Variants in TXNL1 observed in about 807,000 individuals in gnomAD.
TXNL1 encodes the protein thioredoxin-like protein 1.
Under a neutral mutation model 35.5 loss-of-function variants are expected in TXNL1, and 14 were observed. That is an observed-to-expected ratio of 0.39 (90% CI 0.26 to 0.62). The LOEUF is 0.62. Ranked by LOEUF, TXNL1 falls within the 20% of genes least tolerant of loss-of-function variation. The pLI is 0.47. For missense variants in TXNL1, 263 were observed against 349.7 expected (o/e 0.75, Z 1.98); for synonymous variants, 110 against 115.5 (o/e 0.95, Z 0.31).
chr18:56,613,905 T>G (rs1009742834), intron 6 of TXNL1, among the ~76,000 whole-genome samples: 1 of 151,976 alleles, frequency 6.6e-6, no homozygotes, highest in African/African-American at 2.4e-5. Flanking sequence ...CAGTGGTGCA[T>G]GCCTGTAATC....
At chr18:56,603,582 T>C (rs2144272555) in intron 7 of TXNL1, among the ~76,000 whole-genome samples, 1 of 152,058 alleles carries the variant, frequency 6.6e-6, no homozygotes, top group South Asian at 2.1e-4. Flanking sequence ...ACTTTAAGAG[T>C]ACTATTAAAA....
intron 1 of TXNL1, among the ~76,000 whole-genome samples, chr18:56,626,913 T>C (rs2024293754): frequency 7.2e-6 from 1 of 138,394 alleles, no homozygotes; most frequent in Admixed American, 8.0e-5. Context: ...CAAGCAATCC[T>C]CCCACCTCAG....
At chr18:56,623,245 T>G (rs1373378724) in intron 3 of TXNL1, among the ~76,000 whole-genome samples, 1 of 152,160 alleles carries the variant, frequency 6.6e-6, no homozygotes, top group Non-Finnish European at 1.5e-5. Flanking sequence ...CTGGCCAACA[T>G]GGTGAAACCT....
chr18:56,623,978 G>A (rs566908020), intron 3 of TXNL1, among the ~76,000 whole-genome samples: 115 of 151,174 alleles, frequency 7.6e-4, no homozygotes, highest in African/African-American at 2.7e-3. Context: ...ACATTTTCTG[G>A]AAAAAAAAGT....
intron 1 of TXNL1, among the ~76,000 whole-genome samples, chr18:56,636,625 T>G (rs764782607): frequency 1.3e-5 from 2 of 152,080 alleles, no homozygotes; most frequent in Non-Finnish European, 2.9e-5. Context: ...TCCTTACCAA[T>G]CAATGTCTGC....
At position 56,614,405 on chromosome 18, in the gene TXNL1, T is replaced by C. The variant is rs1402214692; in HGVS notation, c.735+19A>G. On this transcript the variant is annotated intron_variant, in intron 6 of 7. Coordinates refer to ENST00000217515, the MANE Select transcript of TXNL1 (RefSeq NM_004786.3). ...TACTCACAAACCTATTAAATACATA[T>C]GAACGAAATACTACTTACAGTTACA... 2.2e-5 allele frequency: 35 copies of C among 1,605,326 alleles called. No homozygotes were observed. The highest frequency in any genetic ancestry group is 3.0e-5 in the Non-Finnish European group (35 of 1,174,804).
intron 5 of TXNL1, among the ~76,000 whole-genome samples, chr18:56,616,030 G>A (rs960591838): frequency 6.6e-6 from 1 of 151,764 alleles, no homozygotes; most frequent in Non-Finnish European, 1.5e-5. Flanking sequence ...TACCTGGGAG[G>A]CAGAGGTGGG....
intron 5 of TXNL1, 139 bp downstream of exon 5, chr18:56,616,106 T>C: frequency 1.5e-6 from 1 of 664,304 alleles, no homozygotes; most frequent in South Asian, 2.1e-5. Context: ...CACTCCAGCC[T>C]GGGCAATAGC....
At position 56,638,552 on chromosome 18, in the gene TXNL1, A is replaced by G; in HGVS notation, c.-112T>C. 9.0e-7 allele frequency: 1 copy of G among 1,111,782 alleles called. No individual in the cohort carries two copies. Among genetic ancestry groups the G allele is most frequent in the Non-Finnish European group, 1.2e-6 (1 of 806,032 alleles). 68.9% of individuals were successfully genotyped at this position (1,111,782 alleles called of 1,614,324 possible). Reference sequence around the variant, plus strand: ...CTCAGGAAGGCCGAGGCCTGGACAGAAGAGGTGGCGACCGCCGAGTCTTCT... The same window carrying G: ...CTCAGGAAGGCCGAGGCCTGGACAGGAGAGGTGGCGACCGCCGAGTCTTCT... On this transcript the variant is annotated 5_prime_UTR_variant, in exon 1 of 8. Transcript: ENST00000217515.
intron 4 of TXNL1, among the ~76,000 whole-genome samples, chr18:56,616,898 T>C (rs1413875853): frequency 6.6e-6 from 1 of 152,166 alleles, no homozygotes; most frequent in Non-Finnish European, 1.5e-5. Context: ...TGTCAGAATG[T>C]TTCTCTCTCC....
rs985985635 is a variant in TXNL1 at position 56,599,805 on chromosome 18, C to A, written c.*3222G>T. 1 of 151,952 alleles carries A rather than the reference C, an allele frequency of 6.6e-6. No individual in the cohort carries two copies. Among genetic ancestry groups the A allele is most frequent in the African/African-American group, 2.4e-5 (1 of 41,360 alleles). The allele number at this position is 151,952 out of a possible 1,614,324, so 9.4% of individuals were successfully genotyped here. A position where few individuals can be genotyped will look rare whatever the true frequency, so the allele number is the denominator to read the frequency against. On this transcript the variant is annotated 3_prime_UTR_variant, in exon 8 of 8. Coordinates refer to ENST00000217515, the MANE Select transcript of TXNL1 (RefSeq NM_004786.3). The stretch of plus-strand genomic sequence containing the variant: ...AACTCCTGACCTCAAGTGATCCAGC[C>A]GCCTCGGCCTCCCAAAATGCTGGGA...
rs1452817782 is a variant in TXNL1, at chr18:56,600,374, G to C, written c.*2653C>G. ...AATTGTTACGTGGCTGCCTCCAACA[G>C]AATATTGAGACTGGGGAACAAAGTG... On this transcript the variant is annotated 3_prime_UTR_variant, in exon 8 of 8. Transcript: ENST00000217515. 2 of 149,900 alleles carry C rather than the reference G, an allele frequency of 1.3e-5. No individual in the cohort carries two copies. The highest frequency in any genetic ancestry group is 3.0e-5 in the Non-Finnish European group (2 of 67,580). The allele number at this position is 149,900 out of a possible 1,614,324, so 9.3% of individuals were successfully genotyped here.
intron 3 of TXNL1, among the ~76,000 whole-genome samples, chr18:56,621,341 T>C (rs2024180192): frequency 6.6e-6 from 1 of 152,008 alleles, no homozygotes; most frequent in Admixed American, 6.6e-5. Flanking sequence ...ACTACAGCAG[T>C]GTGCCACTGC....
chr18:56,632,564 A>G (rs935671660), intron 1 of TXNL1, among the ~76,000 whole-genome samples: 1 of 152,242 alleles, frequency 6.6e-6, no homozygotes, highest in African/African-American at 2.4e-5. Context: ...TGTCCTACAC[A>G]GTGCCTTTCA....
In TXNL1 at chr18:56,614,606, G is replaced by A. The variant is rs1368561869; in HGVS notation, c.563-10C>T. The A allele has an allele frequency of 6.3e-7, 1 of 1,599,144 alleles. No individual in the cohort carries two copies. Among genetic ancestry groups the A allele is most frequent in the Admixed American group, 1.8e-5 (1 of 56,734 alleles). On this transcript the variant is annotated splice_polypyrimidine_tract_variant and intron_variant, in intron 5 of 7. Coordinates refer to ENST00000217515, the MANE Select transcript of TXNL1 (RefSeq NM_004786.3). ...TATTTAGGGCCCTGACCTATACAAT[G>A]GTAGAATAAAATAAAATGTTTAAAA...
intron 7 of TXNL1, among the ~76,000 whole-genome samples, chr18:56,606,050 CCT>C (rs2023886908): frequency 6.6e-6 from 1 of 152,184 alleles, no homozygotes; most frequent in Admixed American, 6.5e-5. Context: ...CCTCCCTGTG[CCT>C]ATAAAATATA....
At chr18:56,603,210 G>A (rs1021534410) in intron 7 of TXNL1, among the ~76,000 whole-genome samples, 154 bp from the exon 8 acceptor site, 1 of 151,080 alleles carries the variant, frequency 6.6e-6, no homozygotes, top group Non-Finnish European at 1.5e-5. Flanking sequence ...AGCAAACTGT[G>A]ACCTCCCCTC....
chr18:56,636,127 T>TAA (rs1470468862), intron 1 of TXNL1, among the ~76,000 whole-genome samples: 1 of 152,190 alleles, frequency 6.6e-6, no homozygotes, highest in Admixed American at 6.5e-5. Flanking sequence ...ATGTTATATA[T>TAA]ATTTTATCAT....
At chr18:56,633,033 T>C (rs185649652) in intron 1 of TXNL1, among the ~76,000 whole-genome samples, 2 of 152,298 alleles carry the variant, frequency 1.3e-5, no homozygotes, top group East Asian at 1.9e-4. Flanking sequence ...CATCCTAATA[T>C]ACACTGACAT....
Sources: allele counts gnomAD v4.1 joint callset (sites outside exome capture counted in the v4.1 genomes callset), GRCh38; gene constraint gnomAD v4.1.1; transcripts MANE v1.5; gene names NCBI Gene and HGNC (gene_info 2026-07-23, HGNC 2026-07-21).